C2orf74: variants seen among roughly 807,000 people sequenced by gnomAD.
C2orf74 encodes the protein DPM1 ER membrane anchor 1.
In C2orf74, 14 loss-of-function variants were observed where a neutral mutation model predicts 17.9. The observed-to-expected ratio is 0.78, with a 90% CI of 0.52 to 1.22. The LOEUF (loss-of-function observed/expected upper bound fraction) is 1.22, where lower values mean the gene tolerates loss of function less well. Ranked by LOEUF, C2orf74 falls within the 50% of genes most tolerant of loss-of-function variation. The probability of loss-of-function intolerance (pLI) is 0.00; values close to 1 mark genes in which losing one functional copy is unlikely to be tolerated. For synonymous variants in C2orf74, 79 were observed against 72.6 expected (o/e 1.09, Z -0.44); for missense variants, 217 against 218.4 (o/e 0.99, Z 0.04).
At chr2:61,145,508 C>G (rs1685042024) in intron 1 of C2orf74, among the ~76,000 whole-genome samples, 2 of 152,302 alleles carry the variant, frequency 1.3e-5, no homozygotes, top group South Asian at 4.1e-4. Context: ...ACTGCACCCT[C>G]CGCTGCCCGG....
chr2:61,156,985 A>G (rs189407322), intron 1 of C2orf74, among the ~76,000 whole-genome samples: 3 of 152,338 alleles, frequency 2.0e-5, no homozygotes, highest in African/African-American at 7.2e-5. Flanking sequence ...TATAGATAAC[A>G]CTTAGAGTAG....
chr2:61,153,270 A>C (rs1231560696), intron 1 of C2orf74, among the ~76,000 whole-genome samples: 1 of 152,036 alleles, frequency 6.6e-6, no homozygotes, highest in Non-Finnish European at 1.5e-5. Flanking sequence ...TAGAAGGATA[A>C]AGATGTGAAA....
At chr2:61,157,143 C>T (rs568250490) in intron 1 of C2orf74, among the ~76,000 whole-genome samples, 5 of 152,188 alleles carry the variant, frequency 3.3e-5, no homozygotes, top group East Asian at 3.9e-4. Context: ...TGGGTTCAAG[C>T]GAGTCTCCTG....
chr2:61,146,335 A>G (rs550221204), intron 1 of C2orf74, among the ~76,000 whole-genome samples: 2 of 152,336 alleles, frequency 1.3e-5, no homozygotes, highest in East Asian at 1.9e-4. Flanking sequence ...TGAGAGTCAT[A>G]TGATCCTTAT....
intron 1 of C2orf74, among the ~76,000 whole-genome samples, chr2:61,147,061 C>G (rs984373346): frequency 6.6e-6 from 1 of 151,270 alleles, no homozygotes; most frequent in Non-Finnish European, 1.5e-5. Context: ...CCCAACTACC[C>G]GGGAGGCTGA....
At chr2:61,158,092 A>G (rs1685449467), upstream of C2orf74, 1 of 443,978 alleles carries the variant, frequency 2.3e-6, no homozygotes, top group East Asian at 7.1e-5. Context: ...CAGGAGCACA[A>G]GAAAAGCCCC....
intron 4 of C2orf74, among the ~76,000 whole-genome samples, 175 bp downstream of exon 4, chr2:61,163,407 C>T (rs866391368): frequency 1.3e-5 from 2 of 151,966 alleles, no homozygotes; most frequent in African/African-American, 2.4e-5. Flanking sequence ...ACATCGAGAC[C>T]AGCCTGGCCA....
intron 1 of C2orf74, among the ~76,000 whole-genome samples, chr2:61,145,648 C>T (rs995745323): frequency 6.6e-6 from 1 of 152,144 alleles, no homozygotes; most frequent in Non-Finnish European, 1.5e-5. Flanking sequence ...GTCTCGAACT[C>T]CTGACCTCAG....
chr2:61,157,804 G>A (rs571386765), upstream of C2orf74: 5 of 454,358 alleles, frequency 1.1e-5, no homozygotes, highest in East Asian at 7.0e-5. Flanking sequence ...CAGCTGTGAC[G>A]GAGTCCTTTG....
Position 61,163,728 on chromosome 2 carries a change from C to T in C2orf74, c.390+496C>T, listed in dbSNP as rs191112266. ...AAGCCATTCTGGTTGCTTATCAGTT[C>T]GTGTTACTAAACCATTACATATGCC... On this transcript the variant is annotated intron_variant, in intron 4 of 4. Transcript: ENST00000432605. Among the ~76,000 whole-genome samples the T allele has an allele frequency of 1.1e-4, 16 of 152,156 alleles. No homozygotes were observed. The East Asian group carries it at 1.3e-3, about 13-fold the overall frequency.
chr2:61,162,464 T>A lies in C2orf74; in HGVS notation c.-51T>A, dbSNP rs1440770990. 7 of 1,328,408 alleles carry A rather than the reference T, an allele frequency of 5.3e-6. No homozygotes were observed. The highest frequency in any genetic ancestry group is 6.3e-6 in the Non-Finnish European group (6 of 956,992). 82.3% of individuals were successfully genotyped at this position (1,328,408 alleles called of 1,614,324 possible). On this transcript the variant is annotated 5_prime_UTR_variant, in exon 2 of 5. Coordinates refer to ENST00000432605, the MANE Select transcript of C2orf74 (RefSeq NM_001143959.4). ...GCATTCAAATTGAGCTGGAAAAGAATATTTGGACAGTCTGTGATTGTGAGA... is the reference window on the plus strand; with the variant it reads ...GCATTCAAATTGAGCTGGAAAAGAAAATTTGGACAGTCTGTGATTGTGAGA...
intron 1 of C2orf74, among the ~76,000 whole-genome samples, chr2:61,155,162 G>C (rs1685356284): frequency 6.6e-6 from 1 of 152,180 alleles, no homozygotes; most frequent in Non-Finnish European, 1.5e-5. Flanking sequence ...ACAAATTTGT[G>C]ATTCAGGGGT....
intron 1 of C2orf74, among the ~76,000 whole-genome samples, chr2:61,150,471 A>G (rs534502591): frequency 9.8e-5 from 15 of 152,324 alleles, no homozygotes; most frequent in African/African-American, 3.6e-4. Context: ...TCATCCTGCG[A>G]TGTTGAGAGG....
At position 61,162,580 on chromosome 2, in the gene C2orf74, C is replaced by T; in HGVS notation, c.66C>T (p.Leu22=). ...TTCTAATTTGCCTCATTTGCATCCT[C>T]CTCTTATTGGTGGTTTTTTTATATA... The part of the protein sequence containing the change: ...IILLICLICI[L]LLLVVFLYKC... Residue 22 remains leucine, a synonymous_variant, in exon 2 of 5, where the codon CTC becomes CTT. Coordinates refer to ENST00000432605, the MANE Select transcript of C2orf74 (RefSeq NM_001143959.4). 2.6e-6 allele frequency: 4 copies of T among 1,550,352 alleles called. No homozygotes were observed. Among genetic ancestry groups the T allele is most frequent in the Non-Finnish European group, 2.6e-6 (3 of 1,145,814 alleles).
chr2:61,159,357 C>T (rs1408864132), upstream of C2orf74: 1 of 341,852 alleles, frequency 2.9e-6, no homozygotes, highest in Non-Finnish European at 5.7e-6. Context: ...AGTGCAGTGG[C>T]ACGATCTCAG....
chr2:61,150,302 G>T (rs1289318397), intron 1 of C2orf74, among the ~76,000 whole-genome samples: 1 of 152,174 alleles, frequency 6.6e-6, no homozygotes, highest in African/African-American at 2.4e-5. Context: ...TGAGGTCTTG[G>T]CTATCCAGGA....
At position 61,164,548 on chromosome 2, in the gene C2orf74, T is replaced by G. The variant is rs1480635245; in HGVS notation, c.*21T>G. The G allele has an allele frequency of 4.8e-6, 7 of 1,458,312 alleles. No homozygotes were observed. The highest frequency in any genetic ancestry group is 6.4e-6 in the Non-Finnish European group (7 of 1,101,730). 90.3% of individuals were successfully genotyped at this position (1,458,312 alleles called of 1,614,324 possible). A position where few individuals can be genotyped will look rare whatever the true frequency, so the allele number is the denominator to read the frequency against. On this transcript the variant is annotated 3_prime_UTR_variant, in exon 5 of 5. Coordinates refer to ENST00000432605, the MANE Select transcript of C2orf74 (RefSeq NM_001143959.4). ...AATGAAGCTCAAAAAAGGGTAAGAG[T>G]GAAAGAAAATGTAACGTTTGACTAA...
At chr2:61,145,724 G>A (rs956193168) in intron 1 of C2orf74, among the ~76,000 whole-genome samples, 11 of 151,948 alleles carry the variant, frequency 7.2e-5, no homozygotes, top group African/African-American at 2.2e-4. Flanking sequence ...CGCCCGGCCT[G>A]TTTTGTATTT....
upstream of C2orf74, chr2:61,161,592 T>G (rs1285233125): frequency 6.6e-6 from 1 of 152,260 alleles, no homozygotes; most frequent in East Asian, 1.9e-4. Context: ...CACTTGGTCA[T>G]GGTGTGTAAT....
Sources: gnomAD v4.1 joint callset for allele counts (sites outside exome capture counted in the v4.1 genomes callset) on GRCh38, gnomAD v4.1.1 for gene constraint, MANE v1.5 for transcripts, NCBI Gene and HGNC (gene_info 2026-07-23, HGNC 2026-07-21) for gene names.